The following ADORA1 variants were observed in gnomAD, a reference collection of about 807,000 sequenced individuals.
ADORA1 encodes the protein adenosine receptor A1.
ADORA1 carries 6 observed loss-of-function variants against 19.9 expected under a neutral mutation model. That is an observed-to-expected ratio of 0.30 (90% CI 0.17 to 0.59). The LOEUF (loss-of-function observed/expected upper bound fraction) is 0.59. Among genes scored for constraint, ADORA1 ranks in the 20% least tolerant of loss-of-function variants. ADORA1 has a pLI of 0.87. For missense variants in ADORA1, 302 were observed against 439.2 expected (o/e 0.69, Z 2.79); for synonymous variants, 194 against 188.4 (o/e 1.03, Z -0.24).
chr1:203,152,914 T>C (rs955382488), intron 3 of ADORA1, among the ~76,000 whole-genome samples: 1 of 152,116 alleles, frequency 6.6e-6, no homozygotes, highest in South Asian at 2.1e-4. Context: ...AAACATTCCA[T>C]AGGATATGCC....
intron 3 of ADORA1, among the ~76,000 whole-genome samples, chr1:203,141,572 A>ATTTTTTTT (rs56188119): frequency 2.7e-5 from 2 of 73,566 alleles, no homozygotes; most frequent in African/African-American, 6.1e-5. Flanking sequence ...TCTAACCTGG[A>ATTTTTTTT]TTTTTTTTTT....
chr1:203,150,896 G>A, intron 3 of ADORA1: 1 of 991,906 alleles, frequency 1.0e-6, no homozygotes, highest in South Asian at 1.6e-5. Flanking sequence ...CAAGCTCAGT[G>A]ACAGCAGCTG....
chr1:203,133,806 T>C (rs1455497175), intron 3 of ADORA1, among the ~76,000 whole-genome samples: 2 of 152,176 alleles, frequency 1.3e-5, no homozygotes, highest in African/African-American at 4.8e-5. Context: ...GTGGAGGAGC[T>C]CGGCGTGCTG....
rs1571776374 is a variant in ADORA1 at position 203,128,299 on chromosome 1, C to CT, written c.-191_-190insT. 3 of 1,274,582 alleles carry CT rather than the reference C, an allele frequency of 2.4e-6. No individual in the cohort carries two copies. The highest frequency in any genetic ancestry group is 1.5e-5 in the African/African-American group (1 of 65,538). The allele number at this position is 1,274,582 out of a possible 1,614,324, so 79.0% of individuals were successfully genotyped here. Reference sequence around the variant, plus strand: ...AAAGGCCGGGCTGGGAGCGCTGCGGCGGGAGCCGGAGGACTATGAGCTGCC... The same window carrying CT: ...AAAGGCCGGGCTGGGAGCGCTGCGGCTGGGAGCCGGAGGACTATGAGCTGCC... On this transcript the variant is annotated 5_prime_UTR_variant, in exon 2 of 4. Transcript: ENST00000337894. This position sits in a 1 kb window ranked among gnomAD's most constrained non-coding sequence, Gnocchi z 5.9.
At chr1:203,146,936 A>G (rs1029860837) in intron 3 of ADORA1, among the ~76,000 whole-genome samples, 1 of 152,250 alleles carries the variant, frequency 6.6e-6, no homozygotes, top group Non-Finnish European at 1.5e-5. Flanking sequence ...GAAGCAGCCC[A>G]GTAGGCCCCA....
chr1:203,128,170 T>C lies in ADORA1; in HGVS notation c.-212-108T>C. 1 of 442,250 alleles carries C rather than the reference T, an allele frequency of 2.3e-6. No homozygotes were observed. Among genetic ancestry groups the C allele is most frequent in the Non-Finnish European group, 3.8e-6 (1 of 260,640 alleles). 27.4% of individuals were successfully genotyped at this position (442,250 alleles called of 1,614,324 possible). ...CGCCCCAGCCTTGTCCTGGGCTCCGTCCCCAGACCCACGTCTGCCACCCCA... is the reference window on the plus strand; with the variant it reads ...CGCCCCAGCCTTGTCCTGGGCTCCGCCCCCAGACCCACGTCTGCCACCCCA... On this transcript the variant is annotated intron_variant, in intron 1 of 3. Transcript: ENST00000337894. The surrounding 1 kb of genome is among the most constrained non-coding windows in gnomAD (Gnocchi z 5.9).
At chr1:203,162,312 G>A (rs1269991965) in intron 3 of ADORA1, among the ~76,000 whole-genome samples, 2 of 152,142 alleles carry the variant, frequency 1.3e-5, no homozygotes, top group Non-Finnish European at 2.9e-5. Flanking sequence ...TGCTGGGACT[G>A]GGTCCTGGAG....
Position 203,164,500 on chromosome 1 carries a change from T to G in ADORA1, c.342-761T>G, listed in dbSNP as rs116018381. On this transcript the variant is annotated intron_variant, in intron 3 of 3. Coordinates refer to ENST00000337894, the MANE Select transcript of ADORA1 (RefSeq NM_000674.3). ...AGATGCTCAGTGAATATCAGTTTTC[T>G]TTCCTGAGCATCATTCCCAGTTAGC... Among the ~76,000 whole-genome samples, 1,113 of 152,342 alleles carry G rather than the reference T, an allele frequency of 7.3e-3. 6 individuals carry two copies. The highest frequency in any genetic ancestry group is 0.01 in the Admixed American group (154 of 15,302).
At chr1:203,151,064 GT>G (rs1655016430) in intron 3 of ADORA1, among the ~76,000 whole-genome samples, 1 of 152,178 alleles carries the variant, frequency 6.6e-6, no homozygotes, top group Admixed American at 6.5e-5. Context: ...TCCAGTGGGG[GT>G]CGGATTTACA....
chr1:203,137,218 AG>A (rs1188518336), intron 3 of ADORA1, among the ~76,000 whole-genome samples: 1 of 152,184 alleles, frequency 6.6e-6, no homozygotes, highest in Non-Finnish European at 1.5e-5. Flanking sequence ...AGATATAGGG[AG>A]GGCATGCCAT....
At chr1:203,145,900 G>A (rs1286963853) in intron 3 of ADORA1, among the ~76,000 whole-genome samples, 1 of 152,220 alleles carries the variant, frequency 6.6e-6, no homozygotes, top group East Asian at 1.9e-4. Flanking sequence ...CCTGAATTTG[G>A]CAAACCCGGC....
At position 203,167,279 on chromosome 1, in the gene ADORA1, G is replaced by A. The variant is rs1046004517; in HGVS notation, c.*1379G>A. 2 of 152,254 alleles carry A rather than the reference G, an allele frequency of 1.3e-5. No homozygotes were observed. The highest frequency in any genetic ancestry group is 2.4e-5 in the African/African-American group (1 of 41,386). The allele number at this position is 152,254 out of a possible 1,614,324, so 9.4% of individuals were successfully genotyped here. The stretch of plus-strand genomic sequence containing the variant: ...GGGCGAGGGAGGGGAGGTGGCCGTC[G>A]AGTTGACCTTCTGAACATGAGTGTC... On this transcript the variant is annotated 3_prime_UTR_variant, in exon 4 of 4. Transcript: ENST00000337894.
At chr1:203,155,466 G>A (rs1655171662) in intron 3 of ADORA1, among the ~76,000 whole-genome samples, 1 of 152,142 alleles carries the variant, frequency 6.6e-6, no homozygotes, top group Non-Finnish European at 1.5e-5. Context: ...ACCCCTCTGT[G>A]CACAGTCGGG....
At chr1:203,149,364 T>A (rs998929787) in intron 3 of ADORA1, among the ~76,000 whole-genome samples, 1 of 152,098 alleles carries the variant, frequency 6.6e-6, no homozygotes, top group South Asian at 2.1e-4. Flanking sequence ...ATGACGGAAA[T>A]TGAGTTTATT....
At chr1:203,139,602 A>G (rs560531657) in intron 3 of ADORA1, among the ~76,000 whole-genome samples, 5 of 152,362 alleles carry the variant, frequency 3.3e-5, no homozygotes, top group Admixed American at 2.0e-4. Flanking sequence ...GTTCAGCTGC[A>G]TGGGCACAGG....
At chr1:203,141,892 T>C (rs1654708595) in intron 3 of ADORA1, among the ~76,000 whole-genome samples, 1 of 152,276 alleles carries the variant, frequency 6.6e-6, no homozygotes, top group African/African-American at 2.4e-5. Context: ...CTAACCTGGA[T>C]GTTTTTAATG....
intron 3 of ADORA1, chr1:203,129,546 G>C (rs1008036639): frequency 4.5e-6 from 1 of 222,410 alleles, no homozygotes; most frequent in African/African-American, 2.3e-5. Flanking sequence ...AGCTCTGCCA[G>C]TCCCAGGGAA....
In ADORA1 at chr1:203,166,180, T is replaced by G; in HGVS notation, c.*280T>G. 2 of 344,344 alleles carry G rather than the reference T, an allele frequency of 5.8e-6. No homozygotes were observed. The highest frequency in any genetic ancestry group is 1.1e-4 in the South Asian group (1 of 8,848). 21.3% of individuals were successfully genotyped at this position (344,344 alleles called of 1,614,324 possible). A position where few individuals can be genotyped will look rare whatever the true frequency, so the allele number is the denominator to read the frequency against. Reference sequence around the variant, plus strand: ...TTCTGAGCCCCCACCTGCCTGACCATCCCATGAGCAGTCCAGAGCTTCAGG... The same window carrying G: ...TTCTGAGCCCCCACCTGCCTGACCAGCCCATGAGCAGTCCAGAGCTTCAGG... On this transcript the variant is annotated 3_prime_UTR_variant, in exon 4 of 4. Transcript: ENST00000337894.
At chr1:203,156,275 G>A (rs955693591) in intron 3 of ADORA1, among the ~76,000 whole-genome samples, 28 of 152,094 alleles carry the variant, frequency 1.8e-4, no homozygotes, top group African/African-American at 5.8e-4. Context: ...GTCAGGAAAT[G>A]CTATCAGGAA....
Sources: gnomAD v4.1 joint callset for allele counts (sites outside exome capture counted in the v4.1 genomes callset) on GRCh38, gnomAD v4.1.1 for gene constraint, Gnocchi (gnomAD v3.1) non-coding constraint, MANE v1.5 for transcripts, NCBI Gene and HGNC (gene_info 2026-07-23, HGNC 2026-07-21) for gene names.